Variants in DECR1 observed in about 807,000 individuals in gnomAD.
The protein encoded by DECR1 is 2,4-dienoyl-CoA reductase 1.
Under a neutral mutation model 38.8 loss-of-function variants are expected in DECR1, and 44 were observed. The observed-to-expected ratio is 1.13, with a 90% CI of 0.89 to 1.46. The LOEUF is 1.46. DECR1 is among the 40% of genes most tolerant of loss of function. The pLI is 0.00. For missense variants in DECR1, 428 were observed against 405.5 expected (o/e 1.06, Z -0.48); for synonymous variants, 148 against 135.2 (o/e 1.09, Z -0.66).
intron 5 of DECR1, among the ~76,000 whole-genome samples, chr8:90,027,487 CTCTT>C (rs1242431913): frequency 6.6e-6 from 1 of 151,622 alleles, no homozygotes; most frequent in African/African-American, 2.4e-5. Context: ...TGGCCTTTCT[CTCTT>C]CTGATCTTTG....
intron 5 of DECR1, among the ~76,000 whole-genome samples, chr8:90,029,823 A>C (rs1230528123): frequency 6.6e-6 from 1 of 152,130 alleles, no homozygotes; most frequent in African/African-American, 2.4e-5. Context: ...TCCAGTCTCT[A>C]TACTAGCCCG....
chr8:90,049,942 A>G (rs1225271403), intron 8 of DECR1, among the ~76,000 whole-genome samples: 1 of 152,244 alleles, frequency 6.6e-6, no homozygotes, highest in African/African-American at 2.4e-5. Flanking sequence ...TTCCCTGTTT[A>G]ATAAATGGTG....
At position 90,052,082 on chromosome 8, in the gene DECR1, T is replaced by A; in HGVS notation, c.*185T>A. On this transcript the variant is annotated 3_prime_UTR_variant, in exon 10 of 10. Coordinates refer to ENST00000220764, the MANE Select transcript of DECR1 (RefSeq NM_001359.2). ...AGATAAATAAAATGAAATATAGTCC[T>A]TCAAAACATTAAAAAAAAAAAAAGG... 2 of 529,084 alleles carry A rather than the reference T, an allele frequency of 3.8e-6. No homozygotes were observed. The highest frequency in any genetic ancestry group is 6.4e-6 in the Non-Finnish European group (2 of 310,490). 32.8% of individuals were successfully genotyped at this position (529,084 alleles called of 1,614,324 possible).
Position 90,006,484 on chromosome 8 carries a change from TA to T in DECR1, c.69+4926del, listed in dbSNP as rs1182157986. Among the ~76,000 whole-genome samples, 6 of 152,312 alleles carry T rather than the reference TA, an allele frequency of 3.9e-5. No homozygotes were observed. In the South Asian group the frequency reaches 8.3e-4, roughly 21 times the overall value. ...TTAGTGAGCAGCCTGTTGGCTGCGT[TA>T]AAGAGTTAGAACTTTGTCCTGCAGG... On this transcript the variant is annotated intron_variant, in intron 1 of 9. Transcript: ENST00000220764.
chr8:90,018,165 G>A (rs1369062921), intron 2 of DECR1, among the ~76,000 whole-genome samples: 1 of 152,260 alleles, frequency 6.6e-6, no homozygotes, highest in Non-Finnish European at 1.5e-5. Context: ...TGGGATTACA[G>A]GCGTGAGCCA....
intron 5 of DECR1, among the ~76,000 whole-genome samples, chr8:90,034,699 C>G (rs1813577571): frequency 6.6e-6 from 1 of 151,996 alleles, no homozygotes; most frequent in South Asian, 2.1e-4. Context: ...TGATTTGCTC[C>G]CCTTGGTCTC....
At chr8:90,021,565 T>C (rs1037252583) in intron 5 of DECR1, among the ~76,000 whole-genome samples, 1 of 152,212 alleles carries the variant, frequency 6.6e-6, no homozygotes, top group Non-Finnish European at 1.5e-5. Flanking sequence ...AAATAGGAAG[T>C]ATTTTTGTAT....
At chr8:90,035,209 T>A (rs189358700) in intron 5 of DECR1, among the ~76,000 whole-genome samples, 1 of 152,290 alleles carries the variant, frequency 6.6e-6, no homozygotes, top group East Asian at 1.9e-4. Flanking sequence ...TCCCTGTTTA[T>A]CCTGCTTGGG....
intron 1 of DECR1, among the ~76,000 whole-genome samples, chr8:90,010,053 G>A (rs1319358708): frequency 6.6e-6 from 1 of 152,208 alleles, no homozygotes; most frequent in African/African-American, 2.4e-5. Flanking sequence ...GGAGCTTGGA[G>A]TCCAGCTGGG....
intron 8 of DECR1, among the ~76,000 whole-genome samples, chr8:90,045,582 C>T (rs1813877982): frequency 6.6e-6 from 1 of 152,186 alleles, no homozygotes; most frequent in Non-Finnish European, 1.5e-5. Flanking sequence ...TGCCTTCCTG[C>T]CTCTATAGAC....
chr8:90,020,975 A>G lies in DECR1; in HGVS notation c.484A>G (p.Lys162Glu), dbSNP rs748322078. The G allele has an allele frequency of 1.4e-5, 22 of 1,596,472 alleles. No individual in the cohort carries two copies. The highest frequency in any genetic ancestry group is 8.5e-7 in the Non-Finnish European group (1 of 1,173,228). The change falls in exon 5 of 10, where the codon AAA becomes GAA. Residue 162 changes from lysine to glutamate, a missense_variant. Lys to Glu is a moderately conservative substitution (Grantham distance 56). Coordinates refer to ENST00000220764, the MANE Select transcript of DECR1 (RefSeq NM_001359.2). The part of the protein sequence containing the change: ...PTERLSPNAW[K>E]TITDIVLNGT... ...TGAAAGACTTTCTCCTAATGCTTGG[A>G]AAACCATAACTGACATAGTTCTAAA... is the stretch of plus-strand genomic sequence containing the variant.
intron 5 of DECR1, among the ~76,000 whole-genome samples, chr8:90,033,800 T>G (rs1056429119): frequency 1.3e-5 from 2 of 152,198 alleles, no homozygotes; most frequent in African/African-American, 4.8e-5. Flanking sequence ...TTCCCACACT[T>G]GGAGAAATGT....
rs1037515895 is a variant in DECR1, at chr8:90,053,408, T to G, written c.*1511T>G. ...TAAAACCATCAGATCTCGTGAGACT[T>G]ATTCACTATCACACTATTGTGTTGA... On this transcript the variant is annotated 3_prime_UTR_variant, in exon 10 of 10. Transcript: ENST00000220764. Among the ~76,000 whole-genome samples the G allele has an allele frequency of 6.6e-6, 1 of 152,134 alleles. No homozygotes were observed.
At chr8:90,026,838 T>A (rs1247939736) in intron 5 of DECR1, among the ~76,000 whole-genome samples, 3 of 152,226 alleles carry the variant, frequency 2.0e-5, no homozygotes, top group Non-Finnish European at 4.4e-5. Flanking sequence ...AGATCTTCCC[T>A]GCTTTCTCTT....
intron 8 of DECR1, among the ~76,000 whole-genome samples, chr8:90,047,024 T>G (rs1336993296): frequency 1.3e-5 from 2 of 152,136 alleles, no homozygotes; most frequent in African/African-American, 2.4e-5. Flanking sequence ...CAAGAACTCC[T>G]GAAGGAAGCA....
intron 5 of DECR1, among the ~76,000 whole-genome samples, chr8:90,022,795 C>T (rs1038834513): frequency 1.3e-5 from 2 of 152,092 alleles, no homozygotes; most frequent in African/African-American, 4.8e-5. Context: ...TTCCCTCGCT[C>T]ATCTCTGTGA....
intron 6 of DECR1, among the ~76,000 whole-genome samples, chr8:90,037,324 C>G (rs1407406400): frequency 1.3e-5 from 2 of 152,120 alleles, no homozygotes; most frequent in African/African-American, 4.8e-5. Flanking sequence ...CAGTGCCATC[C>G]CTAACCCCTC....
intron 5 of DECR1, among the ~76,000 whole-genome samples, chr8:90,023,010 C>G (rs1219228545): frequency 6.6e-6 from 1 of 152,192 alleles, no homozygotes; most frequent in Non-Finnish European, 1.5e-5. Context: ...TATAAGCTGA[C>G]AGAGTTTGGA....
At chr8:90,007,554 G>A (rs1027300367) in intron 1 of DECR1, among the ~76,000 whole-genome samples, 1 of 151,956 alleles carries the variant, frequency 6.6e-6, no homozygotes, top group Non-Finnish European at 1.5e-5. Context: ...AGGGCAGGTG[G>A]TGGGGGTGGG....
Sources: gnomAD v4.1 joint callset for allele counts (sites outside exome capture counted in the v4.1 genomes callset) on GRCh38, gnomAD v4.1.1 for gene constraint, MANE v1.5 for transcripts, NCBI Gene and HGNC (gene_info 2026-07-23, HGNC 2026-07-21) for gene names.